DRICH1: variants seen among roughly 807,000 people sequenced by gnomAD.
DRICH1 encodes aspartate-rich protein 1.
Under a neutral mutation model 39.5 loss-of-function variants are expected in DRICH1, and 38 were observed. That is an observed-to-expected ratio of 0.96 (90% CI 0.74 to 1.26). The LOEUF (loss-of-function observed/expected upper bound fraction) is 1.26, where lower values mean the gene tolerates loss of function less well. DRICH1 is among the 50% of genes most tolerant of loss of function. The probability of loss-of-function intolerance (pLI) is 0.00; values close to 1 mark genes in which losing one functional copy is unlikely to be tolerated. For synonymous variants in DRICH1, 84 were observed against 99.5 expected (o/e 0.84, Z 0.93); for missense variants, 279 against 270.4 (o/e 1.03, Z -0.22).
chr22:23,604,751 A>G (rs1345841837), downstream of DRICH1, among the ~76,000 whole-genome samples: 1 of 152,202 alleles, frequency 6.6e-6, no homozygotes, highest in Non-Finnish European at 1.5e-5. Context: ...GAGGCTGCAG[A>G]GGTGCACATG....
chr22:23,627,937 T>G (rs1415836150), intron 1 of DRICH1, among the ~76,000 whole-genome samples: 25 of 152,064 alleles, frequency 1.6e-4, no homozygotes, highest in Non-Finnish European at 3.1e-4. Flanking sequence ...TAACATGTTC[T>G]CCCCAGGACT....
At chr22:23,587,190 TC>T in the DRICH1 span, among the ~76,000 whole-genome samples, 1 of 151,988 alleles carries the variant, frequency 6.6e-6, no homozygotes, top group Non-Finnish European at 1.5e-5. Context: ...CGGGTGCCCC[TC>T]CCCCCATGCT....
chr22:23,590,294 T>C, the DRICH1 span, among the ~76,000 whole-genome samples: 2 of 151,750 alleles, frequency 1.3e-5, no homozygotes, highest in Admixed American at 6.6e-5. Context: ...TTTTTTTTTT[T>C]TGAGACGGAG....
In DRICH1 at chr22:23,608,633, C is replaced by T. The variant is rs1033421095; in HGVS notation, c.*131G>A. On this transcript the variant is annotated 3_prime_UTR_variant, in exon 12 of 12. Coordinates refer to ENST00000317749, the MANE Select transcript of DRICH1 (RefSeq NM_016449.4). ...TGGGAAGCAGCCTTGGACTTTTTCT[C>T]TCTGCTGGGACCAAGAGTTTTCCTC... The T allele has an allele frequency of 1.3e-5, 13 of 967,990 alleles. No individual in the cohort carries two copies. The highest frequency in any genetic ancestry group is 1.3e-4 in the African/African-American group (8 of 61,792). 60.0% of individuals were successfully genotyped at this position (967,990 alleles called of 1,614,324 possible). A position where few individuals can be genotyped will look rare whatever the true frequency, so the allele number is the denominator to read the frequency against.
In DRICH1 at chr22:23,613,646, T is replaced by C. The variant is rs1165949164; in HGVS notation, c.636A>G (p.Ile212Met). The C allele has an allele frequency of 6.2e-7, 1 of 1,605,698 alleles. No homozygotes were observed. The highest frequency in any genetic ancestry group is 1.7e-5 in the Admixed American group (1 of 59,604). ...DDDDIHITARIESDLTLESLS... is the reference protein window; with the variant it reads ...DDDDIHITARMESDLTLESLS... ...TTATCTCATGGTACATACCACTTTC[T>C]ATCCGAGCTGTTATCTGCAATTATA... Residue 212 changes from isoleucine (I) to methionine (M), a missense_variant, in exon 10 of 12, where the codon ATA becomes ATG. Coordinates refer to ENST00000317749, the MANE Select transcript of DRICH1 (RefSeq NM_016449.4).
At chr22:23,628,838 C>T (rs749497029) in intron 1 of DRICH1, among the ~76,000 whole-genome samples, 1 of 152,196 alleles carries the variant, frequency 6.6e-6, no homozygotes, top group Non-Finnish European at 1.5e-5. Flanking sequence ...CCAGTGTCAA[C>T]GGCCATCATC....
chr22:23,611,973 A>C (rs1282153658), intron 11 of DRICH1, among the ~76,000 whole-genome samples: 1 of 152,204 alleles, frequency 6.6e-6, no homozygotes, highest in Non-Finnish European at 1.5e-5. Flanking sequence ...GAGGATTTGG[A>C]GAAACGGCTA....
the DRICH1 span, among the ~76,000 whole-genome samples, chr22:23,588,786 A>AT: frequency 3.7e-3 from 558 of 151,944 alleles, 2 homozygotes; most frequent in African/African-American, 0.012. Flanking sequence ...GTATCTCACA[A>AT]TTTTTTTTAG....
In DRICH1 at chr22:23,631,977, G is replaced by A. The variant is rs751087331; in HGVS notation, c.47C>T (p.Pro16Leu). The A allele has an allele frequency of 1.9e-6, 3 of 1,613,566 alleles. No homozygotes were observed. Among genetic ancestry groups the A allele is most frequent in the Non-Finnish European group, 2.5e-6 (3 of 1,179,972 alleles). Residue 16 changes from proline (P) to leucine (L), a missense_variant, in exon 1 of 12, where the codon CCC becomes CTC. Physicochemically the swap from Pro to Leu is moderately conservative, Grantham distance 98. Coordinates refer to ENST00000317749, the MANE Select transcript of DRICH1 (RefSeq NM_016449.4). ...ATAACAGGGTGCGTCCTTCCCCCTG[G>A]GCCAGCCACAGTGGGAGTTGATACA... ...TCCINSHCGW[P>L]RGKDAPCYES...
chr22:23,619,883 C>T (rs1242340210), intron 5 of DRICH1, among the ~76,000 whole-genome samples: 2 of 152,060 alleles, frequency 1.3e-5, no homozygotes, highest in Non-Finnish European at 2.9e-5. Flanking sequence ...TGAAACCTAA[C>T]AGTTCATAAG....
rs550471121 is a variant in DRICH1, at chr22:23,629,498, T to C, written c.208+2318A>G. Among the ~76,000 whole-genome samples the C allele has an allele frequency of 1.4e-3, 213 of 152,344 alleles. 1 individual carries two copies. The highest frequency in any genetic ancestry group is 4.2e-3 in the Admixed American group (65 of 15,302). On this transcript the variant is annotated intron_variant, in intron 1 of 11. Transcript: ENST00000317749. Reference sequence around the variant, plus strand: ...TGAGTGTTGAGCCTCACTAACCTACTGGTGCAAGAGGTCTCCAATGAGGGT... The same window carrying C: ...TGAGTGTTGAGCCTCACTAACCTACCGGTGCAAGAGGTCTCCAATGAGGGT...
At chr22:23,594,232 C>G in the DRICH1 span, among the ~76,000 whole-genome samples, 1 of 152,150 alleles carries the variant, frequency 6.6e-6, no homozygotes, top group African/African-American at 2.4e-5. Context: ...TATCATCAAA[C>G]TGGCAAGTGA....
chr22:23,613,596 CA>C, intron 10 of DRICH1, 42 bp downstream of exon 10: 1 of 1,532,632 alleles, frequency 6.5e-7, no homozygotes, highest in Non-Finnish European at 9.0e-7. Flanking sequence ...CTGAAGCTAG[CA>C]AGTTTTTTCC....
At chr22:23,587,876 T>G in the DRICH1 span, among the ~76,000 whole-genome samples, 3 of 152,280 alleles carry the variant, frequency 2.0e-5, no homozygotes, top group Admixed American at 2.0e-4. Context: ...CACTGCACAG[T>G]TTTAGCAAGA....
chr22:23,621,707 A>C (rs1396591978), intron 4 of DRICH1, among the ~76,000 whole-genome samples: 1 of 152,166 alleles, frequency 6.6e-6, no homozygotes, highest in African/African-American at 2.4e-5. Context: ...TGCGGTCAGG[A>C]GTTCGAGACC....
rs368253196 is a variant in DRICH1, at chr22:23,618,839, T to C, written c.436+525A>G. On this transcript the variant is annotated intron_variant, in intron 6 of 11. Coordinates refer to ENST00000317749, the MANE Select transcript of DRICH1 (RefSeq NM_016449.4). ...ACTAGCTTATGTAATTTTTTTACCTTGATGCCTATTCATTCAGACATACAA... is the reference window on the plus strand; with the variant it reads ...ACTAGCTTATGTAATTTTTTTACCTCGATGCCTATTCATTCAGACATACAA... Among the ~76,000 whole-genome samples the C allele has an allele frequency of 6.6e-5, 10 of 152,306 alleles. No homozygotes were observed. In the East Asian group the frequency reaches 1.3e-3, roughly 21 times the overall value.
the DRICH1 span, among the ~76,000 whole-genome samples, chr22:23,596,427 T>G: frequency 6.7e-6 from 1 of 150,042 alleles, no homozygotes; most frequent in Non-Finnish European, 1.5e-5. Flanking sequence ...CGTTTATTTT[T>G]ATTTTTATTT....
In DRICH1 at chr22:23,622,029, G is replaced by C; in HGVS notation, c.384+62C>G. The C allele has an allele frequency of 5.9e-6, 9 of 1,522,884 alleles. No homozygotes were observed. In the South Asian group the frequency reaches 1.0e-4, roughly 17 times the overall value. 94.3% of individuals were successfully genotyped at this position (1,522,884 alleles called of 1,614,324 possible). A position where few individuals can be genotyped will look rare whatever the true frequency, so the allele number is the denominator to read the frequency against. On this transcript the variant is annotated intron_variant, in intron 4 of 11. Coordinates refer to ENST00000317749, the MANE Select transcript of DRICH1 (RefSeq NM_016449.4). ...GTCCATTCTTTGGGATTGGACTGGT[G>C]AGTTTGTTTCTCACATCAGAAAACC...
chr22:23,616,470 G>C (rs1397359656), intron 8 of DRICH1, among the ~76,000 whole-genome samples: 1 of 152,132 alleles, frequency 6.6e-6, no homozygotes. Flanking sequence ...CTGCCAAGCA[G>C]CAGGTATAAC....
Sources: gnomAD v4.1 joint callset for allele counts (sites outside exome capture counted in the v4.1 genomes callset) on GRCh38, gnomAD v4.1.1 for gene constraint, MANE v1.5 for transcripts, NCBI Gene and HGNC (gene_info 2026-07-23, HGNC 2026-07-21) for gene names.